Variants in ASIC2 observed in about 807,000 individuals in gnomAD.
ASIC2 encodes the protein acid-sensing ion channel 2.
ASIC2 carries 25 observed loss-of-function variants against 57.3 expected under a neutral mutation model. The ratio of observed to expected loss-of-function variants is 0.44; its 90% CI spans 0.32 to 0.61. The LOEUF is 0.61. ASIC2 is among the 20% of genes least tolerant of loss of function. The pLI, the probability that ASIC2 is intolerant of heterozygous loss-of-function variation, is 0.06. For synonymous variants in ASIC2, 319 were observed against 307.5 expected, an observed-to-expected ratio of 1.04 and a Z score of -0.39; for missense variants, 641 against 738.1, an observed-to-expected ratio of 0.87 and a Z score of 1.52.
intron 1 of ASIC2, among the ~76,000 whole-genome samples, chr17:33,601,787 G>T (rs748750414): frequency 2.0e-5 from 3 of 152,226 alleles, no homozygotes; most frequent in Non-Finnish European, 4.4e-5. Context: ...CAATGGGGCT[G>T]CCTGAGGCGT....
At chr17:33,470,573 C>T (rs1172956718) in intron 1 of ASIC2, among the ~76,000 whole-genome samples, 1 of 152,208 alleles carries the variant, frequency 6.6e-6, no homozygotes, top group Non-Finnish European at 1.5e-5. Flanking sequence ...AATTCCTTCT[C>T]AGGTGATGCT....
intron 1 of ASIC2, among the ~76,000 whole-genome samples, chr17:33,870,534 G>T (rs904993169): frequency 6.6e-6 from 1 of 151,986 alleles, no homozygotes; most frequent in Non-Finnish European, 1.5e-5. Flanking sequence ...ACGGGAGGAA[G>T]AATTCAGGGT....
chr17:33,102,267 G>A (rs1366852787), intron 2 of ASIC2, among the ~76,000 whole-genome samples: 1 of 152,176 alleles, frequency 6.6e-6, no homozygotes, highest in African/African-American at 2.4e-5. Context: ...AGAAAAGAAA[G>A]CGTCCCCCTC....
intron 1 of ASIC2, among the ~76,000 whole-genome samples, chr17:33,136,755 C>T (rs1265055950): frequency 6.6e-6 from 1 of 152,192 alleles, no homozygotes; most frequent in African/African-American, 2.4e-5. Flanking sequence ...CCCACGGAAC[C>T]CTCAGGAGGC....
At chr17:33,961,873 T>C (rs1293854021) in intron 1 of ASIC2, among the ~76,000 whole-genome samples, 1 of 152,170 alleles carries the variant, frequency 6.6e-6, no homozygotes, top group Non-Finnish European at 1.5e-5. Context: ...CTTTCCAAAC[T>C]GTAGCCCTGG....
chr17:33,895,461 CAT>C (rs1915073363), intron 1 of ASIC2, among the ~76,000 whole-genome samples: 1 of 152,178 alleles, frequency 6.6e-6, no homozygotes, highest in African/African-American at 2.4e-5. Flanking sequence ...TCTTCCATGT[CAT>C]GTGTTTAGCA....
intron 1 of ASIC2, among the ~76,000 whole-genome samples, chr17:33,405,340 T>A (rs1910430525): frequency 6.6e-6 from 1 of 152,160 alleles, no homozygotes. Context: ...CTTTCCAAAG[T>A]AGTGTATTAA....
At chr17:33,319,692 C>A (rs1906792931) in intron 1 of ASIC2, among the ~76,000 whole-genome samples, 1 of 152,128 alleles carries the variant, frequency 6.6e-6, no homozygotes, top group Admixed American at 6.6e-5. Context: ...CACCACCACA[C>A]CTAGCTAATT....
intron 1 of ASIC2, among the ~76,000 whole-genome samples, chr17:33,353,888 A>G (rs922643805): frequency 6.6e-6 from 1 of 152,182 alleles, no homozygotes; most frequent in African/African-American, 2.4e-5. Flanking sequence ...ATCTTAGAGT[A>G]TTAGCCCATT....
At chr17:33,642,663 T>A (rs1010797009) in intron 1 of ASIC2, among the ~76,000 whole-genome samples, 4 of 152,192 alleles carry the variant, frequency 2.6e-5, no homozygotes, top group Non-Finnish European at 5.9e-5. Context: ...TTTGCTGTCC[T>A]TTCAGTTATC....
intron 1 of ASIC2, among the ~76,000 whole-genome samples, chr17:33,778,423 C>CA (rs1911349678): frequency 6.6e-6 from 1 of 151,976 alleles, no homozygotes; most frequent in African/African-American, 2.4e-5. Flanking sequence ...AGCAGATAGG[C>CA]AAAAAAACAA....
intron 1 of ASIC2, among the ~76,000 whole-genome samples, chr17:33,736,191 C>T (rs952570614): frequency 2.0e-5 from 3 of 151,898 alleles, no homozygotes; most frequent in African/African-American, 7.3e-5. Flanking sequence ...ATAAAGAGGC[C>T]ACCTGGGGAA....
rs371828922 is a variant in ASIC2, at chr17:34,016,411, G to A, written c.555+139567C>T. ...TACAATCCAGCCTGGACGAAAGAGC[G>A]AGACTCCGTCTCAAAAAAAAAAAAA... On this transcript the variant is annotated intron_variant, in intron 1 of 9. Transcript: ENST00000359872. 4.2e-3 allele frequency among the ~76,000 whole-genome samples: 486 copies of A among 115,076 alleles called. 2 individuals are homozygous for A. Among genetic ancestry groups the A allele is most frequent in the African/African-American group, 0.017 (458 of 27,034 alleles). 75.5% of individuals were successfully genotyped at this position (115,076 alleles called of 152,430 possible).
intron 1 of ASIC2, among the ~76,000 whole-genome samples, chr17:33,753,039 G>A (rs1910481847): frequency 1.3e-5 from 2 of 152,128 alleles, no homozygotes; most frequent in South Asian, 4.1e-4. Context: ...CCAAAGAACT[G>A]GAAACAATGG....
chr17:33,557,440 G>A (rs1915941093), intron 1 of ASIC2, among the ~76,000 whole-genome samples: 1 of 152,144 alleles, frequency 6.6e-6, no homozygotes, highest in African/African-American at 2.4e-5. Flanking sequence ...AACATGGCAT[G>A]GTCCCTGACT....
chr17:33,538,483 C>T (rs925031297), intron 1 of ASIC2, among the ~76,000 whole-genome samples: 1 of 152,144 alleles, frequency 6.6e-6, no homozygotes, highest in African/African-American at 2.4e-5. Context: ...TGGAGGAGAA[C>T]ACCAAGAAGG....
At chr17:33,167,635 T>C (rs1366348169) in intron 1 of ASIC2, among the ~76,000 whole-genome samples, 1 of 152,210 alleles carries the variant, frequency 6.6e-6, no homozygotes, top group African/African-American at 2.4e-5. Flanking sequence ...CTGCCTACTG[T>C]ATTAAGCACA....
chr17:33,046,728 C>T (rs1291198766), intron 3 of ASIC2, among the ~76,000 whole-genome samples: 1 of 152,214 alleles, frequency 6.6e-6, no homozygotes, highest in Non-Finnish European at 1.5e-5. Flanking sequence ...TGAGCCCCTG[C>T]ATGGGTGGCA....
intron 1 of ASIC2, among the ~76,000 whole-genome samples, chr17:33,992,272 T>TA (rs1205751342): frequency 1.3e-5 from 2 of 152,334 alleles, no homozygotes; most frequent in East Asian, 3.9e-4. Flanking sequence ...TCTCAGTGCA[T>TA]AATACCAGCT....
Sources: allele counts gnomAD v4.1 joint callset (sites outside exome capture counted in the v4.1 genomes callset), GRCh38; gene constraint gnomAD v4.1.1; transcripts MANE v1.5; gene names NCBI Gene and HGNC (gene_info 2026-07-23, HGNC 2026-07-21).